The following PRKN variants were observed in gnomAD, a reference collection of about 807,000 sequenced individuals.
PRKN encodes E3 ubiquitin-protein ligase parkin.
PRKN carries 56 observed loss-of-function variants against 59.5 expected under a neutral mutation model. That is an observed-to-expected ratio of 0.94 (90% CI 0.76 to 1.18). The LOEUF is 1.18. PRKN is among the 50% of genes most tolerant of loss of function. The probability of loss-of-function intolerance (pLI) is 0.00; values close to 1 mark genes in which losing one functional copy is unlikely to be tolerated. For synonymous variants in PRKN, 250 were observed against 222.1 expected, an observed-to-expected ratio of 1.13 and a Z score of -1.12; for missense variants, 657 against 596.4, an observed-to-expected ratio of 1.10 and a Z score of -1.06.
intron 2 of PRKN, among the ~76,000 whole-genome samples, chr6:162,383,182 T>C (rs1786591729): frequency 6.6e-6 from 1 of 152,236 alleles, no homozygotes; most frequent in Non-Finnish European, 1.5e-5. Context: ...ATTTTCTTAA[T>C]GACATCTAGA....
At chr6:162,232,022 C>T (rs747773169) in intron 3 of PRKN, among the ~76,000 whole-genome samples, 3 of 152,128 alleles carry the variant, frequency 2.0e-5, no homozygotes, top group African/African-American at 2.4e-5. Flanking sequence ...CTTCCATACC[C>T]CTTAACCTCT....
At chr6:162,196,417 G>A (rs552997490) in intron 4 of PRKN, among the ~76,000 whole-genome samples, 1 of 152,286 alleles carries the variant, frequency 6.6e-6, no homozygotes, top group South Asian at 2.1e-4. Context: ...AATTAAATAT[G>A]CACATATAAA....
chr6:161,990,230 C>T (rs1243740943), intron 5 of PRKN, among the ~76,000 whole-genome samples: 1 of 152,228 alleles, frequency 6.6e-6, no homozygotes, highest in Admixed American at 6.5e-5. Flanking sequence ...ACTGCAACCT[C>T]TACTAACAAG....
At chr6:162,599,253 C>T (rs1041151507) in intron 1 of PRKN, among the ~76,000 whole-genome samples, 34 of 152,060 alleles carry the variant, frequency 2.2e-4, no homozygotes, top group African/African-American at 8.0e-4. Context: ...TAAGAGCTAA[C>T]CCAGAAGATA....
chr6:161,469,056 C>T (rs570334359), intron 9 of PRKN, among the ~76,000 whole-genome samples: 1 of 152,342 alleles, frequency 6.6e-6, no homozygotes, highest in Admixed American at 6.5e-5. Context: ...GCCACCTCCC[C>T]CATGTCTGTG....
At position 161,719,883 on chromosome 6, in the gene PRKN, T is replaced by C. The variant is rs150808019; in HGVS notation, c.871+65889A>G. Among the ~76,000 whole-genome samples, 915 of 152,324 alleles carry C rather than the reference T, an allele frequency of 6.0e-3. 11 individuals carry two copies. Among genetic ancestry groups the C allele is most frequent in the African/African-American group, 0.021 (878 of 41,574 alleles). On this transcript the variant is annotated intron_variant, in intron 7 of 11. Coordinates refer to ENST00000366898, the MANE Select transcript of PRKN (RefSeq NM_004562.3). ...CTGGCCTCAAGCGATCCTCCAGCCT[T>C]GGCCTCCCAAAGTGCTGGGATTATA...
chr6:161,570,780 T>A (rs546853448), intron 7 of PRKN, among the ~76,000 whole-genome samples: 1 of 152,328 alleles, frequency 6.6e-6, no homozygotes, highest in South Asian at 2.1e-4. Flanking sequence ...CCACATAGTT[T>A]TTTGACTTCA....
intron 5 of PRKN, among the ~76,000 whole-genome samples, chr6:161,993,047 A>G (rs1279708554): frequency 6.6e-6 from 1 of 152,132 alleles, no homozygotes; most frequent in African/African-American, 2.4e-5. Flanking sequence ...ACCTTAAAGA[A>G]CTAGAAAAGA....
rs193099614 is a variant in PRKN at position 161,640,907 on chromosome 6, C to T, written c.872-71491G>A. On this transcript the variant is annotated intron_variant, in intron 7 of 11. Coordinates refer to ENST00000366898, the MANE Select transcript of PRKN (RefSeq NM_004562.3). ...ATAAATTAACTTTATAGGAAGGGTA[C>T]GTCCAGTGATCTTTCGAAGCCCTGA... Among the ~76,000 whole-genome samples the T allele has an allele frequency of 5.9e-5, 9 of 152,316 alleles. No homozygotes were observed. The East Asian group carries it at 1.2e-3, about 20-fold the overall frequency.
intron 6 of PRKN, among the ~76,000 whole-genome samples, chr6:161,800,941 C>T (rs1212991848): frequency 6.6e-6 from 1 of 152,196 alleles, no homozygotes; most frequent in Non-Finnish European, 1.5e-5. Flanking sequence ...GCAGGGCCCA[C>T]TCCTGTGTTT....
intron 5 of PRKN, among the ~76,000 whole-genome samples, chr6:162,011,277 T>TA (rs1782665649): frequency 1.0e-4 from 1 of 9,920 alleles, no homozygotes; most frequent in African/African-American, 3.4e-4. Flanking sequence ...ATAATATATA[T>TA]TTATAAAATA....
intron 1 of PRKN, among the ~76,000 whole-genome samples, chr6:162,446,357 G>C (rs957510248): frequency 1.3e-5 from 2 of 152,146 alleles, no homozygotes; most frequent in Non-Finnish European, 2.9e-5. Context: ...TATAAAACCA[G>C]ATAAAAATTC....
intron 7 of PRKN, among the ~76,000 whole-genome samples, chr6:161,778,838 C>T (rs1412066376): frequency 6.6e-6 from 1 of 152,180 alleles, no homozygotes; most frequent in African/African-American, 2.4e-5. Context: ...CTGAAGCCTT[C>T]CCGTAGCAGT....
At position 161,401,624 on chromosome 6, in the gene PRKN, CAA is replaced by C. The variant is rs5881404; in HGVS notation, c.1084-14749_1084-14748del. On this transcript the variant is annotated intron_variant, in intron 9 of 11. Coordinates refer to ENST00000366898, the MANE Select transcript of PRKN (RefSeq NM_004562.3). The surrounding 1 kb of genome is among the most constrained non-coding windows in gnomAD (Gnocchi z 4.4). Reference sequence around the variant, plus strand: ...GCAAGATTCTGTCCCCACTCCCCACCAAAAAAAAAAAATTAGAGTACTGATCT... The same window carrying C: ...GCAAGATTCTGTCCCCACTCCCCACCAAAAAAAAAATTAGAGTACTGATCT... Among the ~76,000 whole-genome samples, 7 of 146,930 alleles carry C rather than the reference CAA, an allele frequency of 4.8e-5. No individual in the cohort carries two copies. Among genetic ancestry groups the C allele is most frequent in the Non-Finnish European group, 1.1e-4 (7 of 66,566 alleles).
chr6:162,400,231 CA>C (rs201273234), intron 2 of PRKN, among the ~76,000 whole-genome samples: 189 of 140,082 alleles, frequency 1.3e-3, no homozygotes, highest in Non-Finnish European at 1.6e-3. Flanking sequence ...CAAACAACAA[CA>C]AAAAAAAAAA....
chr6:162,338,565 C>T (rs1047265707), intron 2 of PRKN, among the ~76,000 whole-genome samples: 2 of 152,164 alleles, frequency 1.3e-5, no homozygotes, highest in African/African-American at 4.8e-5. Flanking sequence ...TCAATGGTGC[C>T]CAGGCTGGAG....
chr6:161,854,633 A>C (rs866237618), intron 6 of PRKN, among the ~76,000 whole-genome samples: 13 of 152,210 alleles, frequency 8.5e-5, no homozygotes, highest in Middle Eastern at 3.4e-3. Flanking sequence ...GTTTTTTAAG[A>C]GAGTAAAGAA....
In PRKN at chr6:161,395,439, C is replaced by T. The variant is rs140299263; in HGVS notation, c.1084-8562G>A. Among the ~76,000 whole-genome samples, 377 of 152,244 alleles carry T rather than the reference C, an allele frequency of 2.5e-3. 1 individual carries two copies. Among genetic ancestry groups the T allele is most frequent in the African/African-American group, 8.7e-3 (361 of 41,524 alleles). ...ACAAACAAAGCTGCAGGGAATGTCCCGCTCTTCAGGTCATTTCACACATGT... is the reference window on the plus strand; with the variant it reads ...ACAAACAAAGCTGCAGGGAATGTCCTGCTCTTCAGGTCATTTCACACATGT... On this transcript the variant is annotated intron_variant, in intron 9 of 11. Coordinates refer to ENST00000366898, the MANE Select transcript of PRKN (RefSeq NM_004562.3). The surrounding 1 kb of genome is among the most constrained non-coding windows in gnomAD (Gnocchi z 5.0).
chr6:161,619,214 C>T (rs1782801290), intron 7 of PRKN, among the ~76,000 whole-genome samples: 1 of 131,892 alleles, frequency 7.6e-6, no homozygotes, highest in Non-Finnish European at 1.6e-5. Context: ...GCCTGTAAAG[C>T]AAGCCTTTAC....
Sources: gnomAD v4.1 joint callset for allele counts (sites outside exome capture counted in the v4.1 genomes callset) on GRCh38, gnomAD v4.1.1 for gene constraint, Gnocchi (gnomAD v3.1) non-coding constraint, MANE v1.5 for transcripts, NCBI Gene and HGNC (gene_info 2026-07-23, HGNC 2026-07-21) for gene names.